Variants in RBFOX1 observed in about 807,000 individuals in gnomAD.
RBFOX1 encodes the protein RNA binding fox-1 homolog 1.
Under a neutral mutation model 57.7 loss-of-function variants are expected in RBFOX1, and 8 were observed. That is an observed-to-expected ratio of 0.14 (90% CI 0.08 to 0.25). The LOEUF is 0.25. RBFOX1 is among the 10% of genes least tolerant of loss of function. The pLI, the probability that RBFOX1 is intolerant of heterozygous loss-of-function variation, is 1.00. For synonymous variants in RBFOX1, 326 were observed against 222.4 expected, an observed-to-expected ratio of 1.47 and a Z score of -4.15; for missense variants, 611 against 548.5, an observed-to-expected ratio of 1.11 and a Z score of -1.14.
intron 4 of RBFOX1, among the ~76,000 whole-genome samples, chr16:7,351,555 A>T (rs1000940909): frequency 7.2e-5 from 11 of 152,228 alleles, no homozygotes; most frequent in Non-Finnish European, 1.6e-4. Flanking sequence ...ATAATGTAAG[A>T]GGGAAGAAAC....
At chr16:7,288,817 C>T (rs12448550) in intron 4 of RBFOX1, among the ~76,000 whole-genome samples, 66,400 of 152,080 alleles carry the variant, frequency 0.44, 17,271 homozygotes, top group East Asian at 0.83. Context: ...CTCCAGCCTG[C>T]GCGATAAAGC....
intron 3 of RBFOX1, among the ~76,000 whole-genome samples, chr16:6,827,025 G>T (rs2092238985): frequency 1.3e-5 from 2 of 152,252 alleles, no homozygotes; most frequent in African/African-American, 4.8e-5. Context: ...TTTTTAGTCT[G>T]GGGAGAAAGC....
At chr16:5,621,577 G>C (rs549736661) in intron 3 of RBFOX1, among the ~76,000 whole-genome samples, 2 of 152,120 alleles carry the variant, frequency 1.3e-5, no homozygotes, top group African/African-American at 4.8e-5. Flanking sequence ...AGGCATCAGC[G>C]GGATTCAGTG....
intron 3 of RBFOX1, among the ~76,000 whole-genome samples, chr16:6,808,519 G>T (rs1395687402): frequency 6.6e-6 from 1 of 152,106 alleles, no homozygotes; most frequent in African/African-American, 2.4e-5. Context: ...TACTCTCTGA[G>T]ATTAAGAGGG....
chr16:6,692,220 A>T (rs948949578), intron 3 of RBFOX1, among the ~76,000 whole-genome samples: 1 of 152,202 alleles, frequency 6.6e-6, no homozygotes, highest in Non-Finnish European at 1.5e-5. Context: ...ATCAATAGGA[A>T]ACTAACTCAG....
At position 5,562,808 on chromosome 16, in the gene RBFOX1, G is replaced by A. The variant is rs189979785; in HGVS notation, c.259-36094G>A. ...TCTGCCATTTTCTGATGAGCCCTTT[G>A]GGATTTTACAAGAGGAACTACCTTT... On this transcript the variant is annotated intron_variant, in intron 2 of 2. Coordinates refer to the RBFOX1 transcript ENST00000585867. 2.5e-3 allele frequency among the ~76,000 whole-genome samples: 379 copies of A among 152,128 alleles called. 2 individuals are homozygous for A. Among genetic ancestry groups the A allele is most frequent in the African/African-American group, 8.8e-3 (364 of 41,482 alleles).
intron 2 of RBFOX1, among the ~76,000 whole-genome samples, chr16:5,519,860 T>C (rs577332931): frequency 7.9e-4 from 120 of 152,374 alleles, no homozygotes; most frequent in African/African-American, 2.8e-3. Context: ...CATTTATTCA[T>C]GAATGCATTC....
chr16:5,271,078 G>C (rs1042190898), intron 1 of RBFOX1: 2 of 199,864 alleles, frequency 1.0e-5, no homozygotes, highest in African/African-American at 4.8e-5. Context: ...AGCTACTCAG[G>C]AGGTTGAGGC....
At chr16:6,530,006 G>A (rs192602778) in intron 2 of RBFOX1, among the ~76,000 whole-genome samples, 2 of 152,094 alleles carry the variant, frequency 1.3e-5, no homozygotes, top group East Asian at 3.9e-4. Flanking sequence ...AGTCTCAATG[G>A]GTATTTATGT....
At chr16:6,566,629 G>A (rs1210629885) in intron 2 of RBFOX1, among the ~76,000 whole-genome samples, 1 of 152,052 alleles carries the variant, frequency 6.6e-6, no homozygotes. Flanking sequence ...TTACTGATAG[G>A]TATTCATTTT....
chr16:6,584,096 G>C (rs1462131708), intron 2 of RBFOX1, among the ~76,000 whole-genome samples: 2 of 151,654 alleles, frequency 1.3e-5, no homozygotes, highest in Non-Finnish European at 2.9e-5. Flanking sequence ...AGACCATTCA[G>C]AAAGAAACGT....
At chr16:6,524,494 C>T (rs561403566) in intron 2 of RBFOX1, among the ~76,000 whole-genome samples, 10 of 152,248 alleles carry the variant, frequency 6.6e-5, no homozygotes, top group South Asian at 2.1e-4. Context: ...CATGTTACCT[C>T]GTTAGACATC....
At chr16:5,642,806 C>T (rs922424073) in intron 3 of RBFOX1, among the ~76,000 whole-genome samples, 3 of 152,122 alleles carry the variant, frequency 2.0e-5, no homozygotes, top group African/African-American at 7.2e-5. Flanking sequence ...GTGTCTTACC[C>T]AGGACTTGGT....
At chr16:7,245,296 T>C (rs2094244783) in intron 4 of RBFOX1, among the ~76,000 whole-genome samples, 1 of 152,228 alleles carries the variant, frequency 6.6e-6, no homozygotes, top group Admixed American at 6.5e-5. Flanking sequence ...TTTCATTATC[T>C]TTTGTTTCCT....
At chr16:5,737,575 C>G (rs1445655721) in intron 3 of RBFOX1, among the ~76,000 whole-genome samples, 1 of 142,882 alleles carries the variant, frequency 7.0e-6, no homozygotes, top group Non-Finnish European at 1.5e-5. Context: ...TCTGCCTTAT[C>G]CTGCTGCTAT....
chr16:7,544,726 T>C (rs917999026), intron 5 of RBFOX1, among the ~76,000 whole-genome samples: 2 of 152,230 alleles, frequency 1.3e-5, no homozygotes, highest in African/African-American at 4.8e-5. Context: ...GTCACCTAGC[T>C]GGTCATAATA....
At chr16:6,337,700 C>G (rs1248297086) in intron 2 of RBFOX1, among the ~76,000 whole-genome samples, 1 of 152,138 alleles carries the variant, frequency 6.6e-6, no homozygotes, top group Non-Finnish European at 1.5e-5. Flanking sequence ...TAGGTAATCA[C>G]TTGGCAAAAC....
At chr16:7,071,277 G>A in intron 4 of RBFOX1, among the ~76,000 whole-genome samples, 2 of 152,182 alleles carry the variant, frequency 1.3e-5, no homozygotes, top group Middle Eastern at 6.8e-3. Flanking sequence ...GCTCTCAAGG[G>A]CTGTGCATTC....
chr16:5,240,053 C>A, exon 1 of RBFOX1: 1 of 1,531,948 alleles, frequency 6.5e-7, no homozygotes, highest in East Asian at 2.5e-5. Flanking sequence ...AAGGACGCGC[C>A]GCGGCCGGGC....
Sources: gnomAD v4.1 joint callset for allele counts (sites outside exome capture counted in the v4.1 genomes callset) on GRCh38, gnomAD v4.1.1 for gene constraint, MANE v1.5 for transcripts, NCBI Gene and HGNC (gene_info 2026-07-23, HGNC 2026-07-21) for gene names.